NDUFAF2: variants seen among roughly 807,000 people sequenced by gnomAD.
NDUFAF2 encodes the protein NADH:ubiquinone oxidoreductase complex assembly factor 2, also known as NADH dehydrogenase [ubiquinone] 1 alpha subcomplex assembly factor 2.
Under a neutral mutation model 22.8 loss-of-function variants are expected in NDUFAF2, and 13 were observed. The ratio of observed to expected loss-of-function variants is 0.57; its 90% confidence interval spans 0.37 to 0.91. The LOEUF (loss-of-function observed/expected upper bound fraction) is 0.91, where lower values mean the gene tolerates loss of function less well. Ranked by LOEUF, NDUFAF2 falls within the 40% of genes least tolerant of loss-of-function variation. NDUFAF2 has a pLI of 0.01. For synonymous variants in NDUFAF2, 53 were observed against 64.2 expected (o/e 0.83, Z 0.84); for missense variants, 162 against 195.2 (o/e 0.83, Z 1.01).
chr5:60,949,014 T>C (rs554630854), intron 1 of NDUFAF2, among the ~76,000 whole-genome samples: 5 of 152,314 alleles, frequency 3.3e-5, no homozygotes, highest in African/African-American at 1.2e-4. Flanking sequence ...TCATTTTTTT[T>C]CTTTAGTTTT....
intron 1 of NDUFAF2, among the ~76,000 whole-genome samples, chr5:61,045,189 AGTTTT>A (rs1315958903): frequency 0.025 from 2,549 of 103,846 alleles, 236 homozygotes; most frequent in East Asian, 0.044. Context: ...AATAAAATAA[AGTTTT>A]ATTAAATTTT....
intron 1 of NDUFAF2, among the ~76,000 whole-genome samples, chr5:60,989,443 C>G (rs558586206): frequency 2.5e-4 from 38 of 152,262 alleles, no homozygotes; most frequent in African/African-American, 7.7e-4. Flanking sequence ...TACCATAAAA[C>G]ATATGCACAT....
At chr5:60,980,519 C>T (rs1178663903) in intron 1 of NDUFAF2, among the ~76,000 whole-genome samples, 1 of 152,088 alleles carries the variant, frequency 6.6e-6, no homozygotes, top group South Asian at 2.1e-4. Flanking sequence ...TGCCTATAAT[C>T]CCAGCACTTT....
chr5:60,990,365 C>G (rs1256467353), intron 1 of NDUFAF2, among the ~76,000 whole-genome samples: 1 of 152,060 alleles, frequency 6.6e-6, no homozygotes, highest in African/African-American at 2.4e-5. Flanking sequence ...GTGATTGTTA[C>G]ATATTATATG....
At chr5:61,022,657 C>T (rs913319852) in intron 1 of NDUFAF2, among the ~76,000 whole-genome samples, 5 of 151,850 alleles carry the variant, frequency 3.3e-5, no homozygotes, top group African/African-American at 7.3e-5. Flanking sequence ...TTTGTTTGTT[C>T]GTTTTGAGAC....
chr5:61,104,390 T>G (rs295561), intron 3 of NDUFAF2, among the ~76,000 whole-genome samples: 95,032 of 151,906 alleles, frequency 0.63, 30,552 homozygotes, highest in East Asian at 0.94. Flanking sequence ...ATATGGTTTA[T>G]TATAGGTTTA....
chr5:60,958,310 C>A (rs1750642898), intron 1 of NDUFAF2, among the ~76,000 whole-genome samples: 1 of 152,048 alleles, frequency 6.6e-6, no homozygotes, highest in Admixed American at 6.6e-5. Context: ...TTAATAAATT[C>A]AATTGGGTTT....
intron 1 of NDUFAF2, among the ~76,000 whole-genome samples, chr5:60,967,368 G>A: frequency 6.6e-6 from 1 of 151,810 alleles, no homozygotes; most frequent in Non-Finnish European, 1.5e-5. Context: ...TAGTATTTCT[G>A]GTACTATGTT....
At chr5:61,080,214 A>G (rs988158886) in intron 2 of NDUFAF2, among the ~76,000 whole-genome samples, 1 of 152,212 alleles carries the variant, frequency 6.6e-6, no homozygotes, top group Non-Finnish European at 1.5e-5. Flanking sequence ...TTTCTACTTT[A>G]TAGCAATTAT....
chr5:60,979,119 C>A (rs1750942205), intron 1 of NDUFAF2, among the ~76,000 whole-genome samples: 1 of 152,156 alleles, frequency 6.6e-6, no homozygotes, highest in Admixed American at 6.5e-5. Context: ...TTATTACTTG[C>A]TGACAAAAGT....
At chr5:61,000,260 T>C (rs1241147248) in intron 1 of NDUFAF2, among the ~76,000 whole-genome samples, 2 of 152,090 alleles carry the variant, frequency 1.3e-5, no homozygotes, top group Non-Finnish European at 2.9e-5. Flanking sequence ...GTAGATTTAG[T>C]GTTCATTTGC....
chr5:60,999,327 A>G (rs553588666), intron 1 of NDUFAF2, among the ~76,000 whole-genome samples: 110 of 152,216 alleles, frequency 7.2e-4, no homozygotes, highest in African/African-American at 2.4e-3. Context: ...TCATCTATCA[A>G]TGGATGAATG....
At chr5:60,946,891 G>T (rs1215005336) in intron 1 of NDUFAF2, among the ~76,000 whole-genome samples, 1 of 150,516 alleles carries the variant, frequency 6.6e-6, no homozygotes, top group Non-Finnish European at 1.5e-5. Flanking sequence ...AATTATACAG[G>T]ATTTAGACTT....
chr5:61,073,297 A>T (rs1752324939), intron 2 of NDUFAF2, 83 bp downstream of exon 2: 5 of 1,035,412 alleles, frequency 4.8e-6, no homozygotes, highest in Middle Eastern at 2.1e-4. Flanking sequence ...ATATAGTTAT[A>T]TACTGTTTCT....
intron 3 of NDUFAF2, among the ~76,000 whole-genome samples, chr5:61,150,724 G>C (rs1239425147): frequency 6.6e-6 from 1 of 152,138 alleles, no homozygotes; most frequent in Non-Finnish European, 1.5e-5. Flanking sequence ...CTTGCTGCTT[G>C]AGGTCGGTTA....
At chr5:61,035,552 A>G (rs1751790366) in intron 1 of NDUFAF2, among the ~76,000 whole-genome samples, 1 of 150,778 alleles carries the variant, frequency 6.6e-6, no homozygotes, top group Non-Finnish European at 1.5e-5. Context: ...AAGCTTCCGG[A>G]AACACCATTT....
At chr5:60,966,317 A>G (rs1222900964) in intron 1 of NDUFAF2, among the ~76,000 whole-genome samples, 1 of 152,070 alleles carries the variant, frequency 6.6e-6, no homozygotes, top group Non-Finnish European at 1.5e-5. Flanking sequence ...TTCATTCCAA[A>G]GGTTGTGTCT....
At chr5:60,947,713 C>T (rs1376373756) in intron 1 of NDUFAF2, among the ~76,000 whole-genome samples, 2 of 149,492 alleles carry the variant, frequency 1.3e-5, no homozygotes, top group Admixed American at 1.3e-4. Context: ...TTGCAGTGAG[C>T]CGAGATCACA....
chr5:60,982,840 A>G (rs1336503599), intron 1 of NDUFAF2, among the ~76,000 whole-genome samples: 1 of 151,986 alleles, frequency 6.6e-6, no homozygotes, highest in Non-Finnish European at 1.5e-5. Flanking sequence ...TGCTATTGTG[A>G]ATAGTGCCGC....
Sources: gnomAD v4.1 joint callset for allele counts (sites outside exome capture counted in the v4.1 genomes callset) on GRCh38, gnomAD v4.1.1 for gene constraint, MANE v1.5 for transcripts, NCBI Gene and HGNC (gene_info 2026-07-23, HGNC 2026-07-21) for gene names.